Variants in TRDMT1 observed in about 807,000 individuals in gnomAD.
TRDMT1 encodes the protein tRNA aspartic acid methyltransferase 1.
In TRDMT1, 49 loss-of-function variants were observed where a neutral mutation model predicts 51.2. The ratio of observed to expected loss-of-function variants is 0.96; its 90% confidence interval spans 0.76 to 1.21. The LOEUF is 1.21. Ranked by LOEUF, TRDMT1 falls within the 50% of genes most tolerant of loss-of-function variation. The pLI is 0.00. For synonymous variants in TRDMT1, 187 were observed against 164.6 expected, an observed-to-expected ratio of 1.14 and a Z score of -1.04; for missense variants, 534 against 462.3, an observed-to-expected ratio of 1.16 and a Z score of -1.42.
chr10:17,185,000 C>T (rs11254442), intron 1 of TRDMT1, among the ~76,000 whole-genome samples: 22,262 of 151,998 alleles, frequency 0.15, 1,714 homozygotes, highest in Admixed American at 0.17. Flanking sequence ...TTTCCAGTTG[C>T]GTGATTTAGG....
chr10:17,194,680 C>A (rs1293214822), intron 1 of TRDMT1, among the ~76,000 whole-genome samples: 1 of 152,076 alleles, frequency 6.6e-6, no homozygotes, highest in African/African-American at 2.4e-5. Context: ...TGCCTGTAAT[C>A]CCAGCACTTT....
chr10:17,169,499 A>G (rs1841676643), intron 2 of TRDMT1: 1 of 1,289,720 alleles, frequency 7.8e-7, no homozygotes, highest in Admixed American at 2.3e-5. Flanking sequence ...AGAATTCCTA[A>G]TGGGCTAAGT....
intron 10 of TRDMT1, among the ~76,000 whole-genome samples, chr10:17,149,684 G>C (rs1196437312): frequency 6.6e-6 from 1 of 151,978 alleles, no homozygotes; most frequent in Non-Finnish European, 1.5e-5. Context: ...TCTACTTTCT[G>C]TTTCTAGGAG....
At chr10:17,191,716 G>A (rs1844709058) in intron 1 of TRDMT1, among the ~76,000 whole-genome samples, 1 of 152,134 alleles carries the variant, frequency 6.6e-6, no homozygotes, top group East Asian at 1.9e-4. Context: ...TGGCATTTGA[G>A]CAAGGAGCAC....
intron 1 of TRDMT1, among the ~76,000 whole-genome samples, chr10:17,195,095 A>T (rs925028964): frequency 1.3e-5 from 2 of 152,152 alleles, no homozygotes; most frequent in African/African-American, 4.8e-5. Context: ...CTACCATTCA[A>T]CCTCGCAAGC....
intron 1 of TRDMT1, 34 bp downstream of exon 1, chr10:17,201,537 C>T: frequency 6.5e-7 from 1 of 1,541,270 alleles, no homozygotes; most frequent in African/African-American, 1.4e-5. Context: ...CCCCCGTGAG[C>T]GAATAGAGAG....
At position 17,140,941 on chromosome 10, in the gene TRDMT1, C is replaced by T. The variant is rs538140501; in HGVS notation, c.*8099G>A. Among the ~76,000 whole-genome samples the T allele has an allele frequency of 5.7e-4, 87 of 152,168 alleles. No individual in the cohort carries two copies. Among genetic ancestry groups the T allele is most frequent in the African/African-American group, 2.0e-3 (85 of 41,512 alleles). On this transcript the variant is annotated 3_prime_UTR_variant, in exon 11 of 11. Transcript: ENST00000377799. ...AGCCTAATTCCATGTTAACTACCTG[C>T]TCGCCCTAATAATTGTAAAGAGCTG...
intron 2 of TRDMT1, 126 bp downstream of exon 2, chr10:17,174,425 C>T: frequency 3.3e-6 from 2 of 612,154 alleles, no homozygotes; most frequent in Non-Finnish European, 5.5e-6. Context: ...TAATCTCCTT[C>T]TCCTGAACTC....
rs1004165374 is a variant in TRDMT1, at chr10:17,145,209, T to C, written c.*3831A>G. 2.9e-5 allele frequency: 25 copies of C among 859,642 alleles called. No homozygotes were observed. Among genetic ancestry groups the C allele is most frequent in the Non-Finnish European group, 3.5e-5 (25 of 715,492 alleles). The allele number at this position is 859,642 out of a possible 1,614,324, so 53.3% of individuals were successfully genotyped here. A position where few individuals can be genotyped will look rare whatever the true frequency, so the allele number is the denominator to read the frequency against. ...TTGCAGTGAGCCGAGATCACGCCAC[T>C]GCACTCCAGCCTAGGCAACAGAGCG... is the stretch of plus-strand genomic sequence containing the variant. On this transcript the variant is annotated 3_prime_UTR_variant, in exon 11 of 11. Transcript: ENST00000377799.
At chr10:17,169,366 T>C (rs1353746530) in intron 2 of TRDMT1, 2 of 1,238,958 alleles carry the variant, frequency 1.6e-6, no homozygotes, top group Non-Finnish European at 2.1e-6. Context: ...CACCATCCCT[T>C]TCATATACAT....
At chr10:17,196,194 G>A (rs1283687288) in intron 1 of TRDMT1, among the ~76,000 whole-genome samples, 2 of 152,202 alleles carry the variant, frequency 1.3e-5, no homozygotes, top group Non-Finnish European at 2.9e-5. Context: ...CATTTTAAAA[G>A]AAAATATTAA....
At chr10:17,187,186 T>A in intron 1 of TRDMT1, among the ~76,000 whole-genome samples, 1 of 152,188 alleles carries the variant, frequency 6.6e-6, no homozygotes, top group East Asian at 1.9e-4. Flanking sequence ...TCCATAGTTA[T>A]GTACTGAATA....
At chr10:17,201,447 G>GCCCCACAGTGTCCA in intron 1 of TRDMT1, 124 bp downstream of exon 1, 1 of 1,061,556 alleles carries the variant, frequency 9.4e-7, no homozygotes, top group Non-Finnish European at 1.3e-6. Context: ...ACCGAGGGCC[G>GCCCCACAGTGTCCA]CCCCACAGTG....
At position 17,143,657 on chromosome 10, in the gene TRDMT1, T is replaced by C. The variant is rs1837863309; in HGVS notation, c.*5383A>G. 1 of 985,336 alleles carries C rather than the reference T, an allele frequency of 1.0e-6. No homozygotes were observed. Among genetic ancestry groups the C allele is most frequent in the Non-Finnish European group, 1.2e-6 (1 of 829,938 alleles). The allele number at this position is 985,336 out of a possible 1,614,324, so 61.0% of individuals were successfully genotyped here. ...AAGCACACAAATATGATTGCAAATATATGTGTGGGTGTTTTTAAATCTCAG... is the reference window on the plus strand; with the variant it reads ...AAGCACACAAATATGATTGCAAATACATGTGTGGGTGTTTTTAAATCTCAG... On this transcript the variant is annotated 3_prime_UTR_variant, in exon 11 of 11. Coordinates refer to ENST00000377799, the MANE Select transcript of TRDMT1 (RefSeq NM_004412.7).
At chr10:17,193,304 A>G (rs1443934494) in intron 1 of TRDMT1, among the ~76,000 whole-genome samples, 1 of 137,956 alleles carries the variant, frequency 7.2e-6, no homozygotes, top group Non-Finnish European at 1.6e-5. Context: ...CAGAGGTTGC[A>G]GTGAGCCAAG....
At chr10:17,185,087 T>C (rs1276334804) in intron 1 of TRDMT1, among the ~76,000 whole-genome samples, 1 of 152,202 alleles carries the variant, frequency 6.6e-6, no homozygotes, top group Non-Finnish European at 1.5e-5. Context: ...CATAGAATTT[T>C]CTGAGGATTA....
At chr10:17,198,335 A>C (rs1845720665) in intron 1 of TRDMT1, among the ~76,000 whole-genome samples, 2 of 152,216 alleles carry the variant, frequency 1.3e-5, no homozygotes, top group African/African-American at 2.4e-5. Flanking sequence ...GGACTCAAAC[A>C]ATACTTATAT....
intron 1 of TRDMT1, among the ~76,000 whole-genome samples, chr10:17,194,880 C>G (rs977799064): frequency 7.3e-6 from 1 of 136,718 alleles, no homozygotes; most frequent in Non-Finnish European, 1.5e-5. Context: ...TTGCAGTGAG[C>G]CAAGATTGCA....
Position 17,139,104 on chromosome 10 carries a change from G to T in TRDMT1, c.*9936C>A. ...AGCTCCCGGAATGGGGACTTCAGCAGCTCCATTGGATTAATCCAAGCTTGG... is the reference window on the plus strand; with the variant it reads ...AGCTCCCGGAATGGGGACTTCAGCATCTCCATTGGATTAATCCAAGCTTGG... On this transcript the variant is annotated 3_prime_UTR_variant, in exon 11 of 11. Coordinates refer to ENST00000377799, the MANE Select transcript of TRDMT1 (RefSeq NM_004412.7). The T allele has an allele frequency of 1.1e-6, 1 of 898,124 alleles. No individual in the cohort carries two copies. The highest frequency in any genetic ancestry group is 1.3e-6 in the Non-Finnish European group (1 of 750,078). The allele number at this position is 898,124 out of a possible 1,614,324, so 55.6% of individuals were successfully genotyped here.
Sources: allele counts gnomAD v4.1 joint callset (sites outside exome capture counted in the v4.1 genomes callset), GRCh38; gene constraint gnomAD v4.1.1; transcripts MANE v1.5; gene names NCBI Gene and HGNC (gene_info 2026-07-23, HGNC 2026-07-21).